The following MIA3 variants were observed in gnomAD, a reference collection of about 807,000 sequenced individuals.
MIA3 encodes the protein transport and Golgi organization protein 1 homolog.
In MIA3, 90 loss-of-function variants were observed where a neutral mutation model predicts 192.4. That is an observed-to-expected ratio of 0.47 (90% confidence interval 0.39 to 0.56). The LOEUF is 0.56. Among genes scored for constraint, MIA3 ranks in the 20% least tolerant of loss-of-function variants. MIA3 has a pLI of 0.00. For missense variants in MIA3, 2,123 were observed against 2,269.4 expected, an observed-to-expected ratio of 0.94 and a Z score of 1.31; for synonymous variants, 740 against 792.8, an observed-to-expected ratio of 0.93 and a Z score of 1.12.
intron 7 of MIA3, among the ~76,000 whole-genome samples, chr1:222,646,958 T>A (rs1377653556): frequency 1.3e-5 from 2 of 152,120 alleles, no homozygotes; most frequent in South Asian, 2.1e-4. Flanking sequence ...ACCAAGACTT[T>A]AAGGTATAGA....
intron 16 of MIA3, 29 bp from the exon 17 acceptor site, chr1:222,654,360 T>G (rs1558193010): frequency 6.2e-7 from 1 of 1,612,472 alleles, no homozygotes; most frequent in East Asian, 2.2e-5. Flanking sequence ...CTCACTTTTA[T>G]GAATACTTGT....
intron 6 of MIA3, among the ~76,000 whole-genome samples, chr1:222,634,314 C>G (rs1473462233): frequency 6.6e-6 from 1 of 151,934 alleles, no homozygotes; most frequent in Non-Finnish European, 1.5e-5. Flanking sequence ...GAGCAAGACC[C>G]TGCCTCAGAA....
Position 222,658,807 on chromosome 1 carries a change from G to A in MIA3, c.4693G>A (p.Glu1565Lys). 1.4e-5 allele frequency: 23 copies of A among 1,612,538 alleles called. No individual in the cohort carries two copies. The highest frequency in any genetic ancestry group is 2.0e-5 in the Non-Finnish European group (23 of 1,179,202). The change falls in exon 19 of 28, where the codon GAA becomes AAA. Residue 1565 changes from glutamate to lysine, a missense_variant. Physicochemically the swap from Glu to Lys is moderately conservative, Grantham distance 56 (BLOSUM62 1). Coordinates refer to ENST00000344922, the MANE Select transcript of MIA3 (RefSeq NM_198551.4). ...ADEKAVSAAEEVKTYKRRIEE... is the reference protein window; with the variant it reads ...ADEKAVSAAEKVKTYKRRIEE... The stretch of plus-strand genomic sequence containing the variant: ...TGAAAAGGCAGTTTCGGCTGCAGAG[G>A]AAGTAAAAACTTACAAGTAAGTTCA...
rs372385470 is a variant in MIA3 at position 222,633,264 on chromosome 1, G to GT, written c.3477+24dup. The GT allele has an allele frequency of 3.9e-3, 6,071 of 1,547,906 alleles. 24 individuals carry two copies. The highest frequency in any genetic ancestry group is 0.01 in the Middle Eastern group (61 of 5,834). On this transcript the variant is annotated intron_variant, in intron 6 of 27. Coordinates refer to ENST00000344922, the MANE Select transcript of MIA3 (RefSeq NM_198551.4). The stretch of plus-strand genomic sequence containing the variant: ...TAACTAAGTCGGTAAGTTTAACATA[G>GT]TTTTTTTTTAACTAAAATGTTGATT...
At chr1:222,622,868 T>A in intron 2 of MIA3, among the ~76,000 whole-genome samples, 1 of 152,240 alleles carries the variant, frequency 6.6e-6, no homozygotes, top group East Asian at 1.9e-4. Flanking sequence ...ACACCTCTCA[T>A]CCTGCCTTCT....
intron 27 of MIA3, chr1:222,664,863 A>G (rs982391136): frequency 4.4e-6 from 2 of 458,290 alleles, no homozygotes; most frequent in African/African-American, 2.0e-5. Context: ...TCCAAGTACA[A>G]ATCTATCTCT....
chr1:222,656,046 T>A (rs2124918017), intron 18 of MIA3, among the ~76,000 whole-genome samples: 1 of 141,894 alleles, frequency 7.0e-6, no homozygotes, highest in African/African-American at 2.6e-5. Flanking sequence ...CTCAGCTTAC[T>A]GCAAGCTCCG....
chr1:222,640,437 G>C (rs1662802678), intron 6 of MIA3, among the ~76,000 whole-genome samples: 1 of 151,984 alleles, frequency 6.6e-6, no homozygotes, highest in Non-Finnish European at 1.5e-5. Context: ...ATAGACCATT[G>C]GAACAAAATA....
intron 18 of MIA3, among the ~76,000 whole-genome samples, chr1:222,655,884 A>G (rs1156606103): frequency 6.6e-6 from 1 of 150,938 alleles, no homozygotes; most frequent in African/African-American, 2.4e-5. Context: ...CCACCCCTAA[A>G]GTCACTGTGT....
rs543742333 is a variant in MIA3 at position 222,618,715 on chromosome 1, G to A, written c.133+472G>A. Reference sequence around the variant, plus strand: ...GGACCTCGGTGGGTGCATCACCCCGGCAGATGCGCTAAGGGCTCGGTGGGC... The same window carrying A: ...GGACCTCGGTGGGTGCATCACCCCGACAGATGCGCTAAGGGCTCGGTGGGC... On this transcript the variant is annotated intron_variant, in intron 1 of 27. Transcript: ENST00000344922. Among the ~76,000 whole-genome samples the A allele has an allele frequency of 9.9e-5, 15 of 152,164 alleles. No homozygotes were observed. The South Asian group carries it at 2.9e-3, about 30-fold the overall frequency.
chr1:222,651,032 T>G (rs1663403164), intron 11 of MIA3, 129 bp downstream of exon 11: 1 of 594,114 alleles, frequency 1.7e-6, no homozygotes, highest in South Asian at 2.3e-5. Flanking sequence ...TGAACCTACT[T>G]CTGTCCATTT....
At chr1:222,659,851 T>C in intron 22 of MIA3, 50 bp downstream of exon 22, 1 of 1,605,174 alleles carries the variant, frequency 6.2e-7, no homozygotes, top group Non-Finnish European at 8.5e-7. Flanking sequence ...TCTTAAGGAA[T>C]TGGTTTCTAT....
At position 222,633,185 on chromosome 1, in the gene MIA3, G is replaced by A. The variant is rs778168637; in HGVS notation, c.3413G>A (p.Ser1138Asn). ...QPETAAEEPA[S>N]VTPLENAILL... ...GAGACAGCCGCCGAAGAGCCGGCAAGTGTCACACCTTTGGAAAACGCAATC... is the reference window on the plus strand; with the variant it reads ...GAGACAGCCGCCGAAGAGCCGGCAAATGTCACACCTTTGGAAAACGCAATC... The change falls in exon 6 of 28, where the codon AGT (serine) becomes AAT (asparagine). Residue 1138 changes from serine (S) to asparagine (N), a missense_variant. By Grantham distance (46) the Ser-to-Asn change is conservative. Transcript: ENST00000344922. The A allele has an allele frequency of 3.2e-5, 52 of 1,614,006 alleles. No individual in the cohort carries two copies. The highest frequency in any genetic ancestry group is 4.3e-5 in the Non-Finnish European group (51 of 1,180,008).
intron 4 of MIA3, among the ~76,000 whole-genome samples, chr1:222,631,284 A>G (rs1214764806): frequency 1.3e-5 from 2 of 151,850 alleles, no homozygotes; most frequent in Admixed American, 1.3e-4. Flanking sequence ...ACTGTGCCCA[A>G]ATAATTTTTA....
At position 222,629,607 on chromosome 1, in the gene MIA3, C is replaced by T; in HGVS notation, c.2387C>T (p.Ala796Val). 1 of 1,613,962 alleles carries T rather than the reference C, an allele frequency of 6.2e-7. No homozygotes were observed. Among genetic ancestry groups the T allele is most frequent in the Non-Finnish European group, 8.5e-7 (1 of 1,179,966 alleles). ...AGCGAAAAAACAAGTGAGACTGCTGCCAAAGGGGTCAACACAGGAGGCAGG... is the reference window on the plus strand; with the variant it reads ...AGCGAAAAAACAAGTGAGACTGCTGTCAAAGGGGTCAACACAGGAGGCAGG... ...LDSEKTSETA[A>V]KGVNTGGREP... Residue 796 changes from alanine to valine, a missense_variant, in exon 4 of 28, where the codon GCC becomes GTC. Transcript: ENST00000344922.
At chr1:222,654,163 A>T (rs897733370) in intron 15 of MIA3, 80 bp from the exon 16 acceptor site, 6 of 1,308,286 alleles carry the variant, frequency 4.6e-6, no homozygotes, top group Non-Finnish European at 6.5e-6. Context: ...ACAATTGTTT[A>T]GTTTTGGGTA....
Position 222,624,789 on chromosome 1 carries a change from T to G in MIA3, c.289T>G (p.Phe97Val). ...AGSVGRTFGY[F>V]PKDLIQVVHE... ...GTAGGTTGGACGCACTTTTGGATAT[T>G]TTCCAAAAGATTTAATCCAGGTAGT... The change falls in exon 3 of 28, where the codon TTT becomes GTT. Residue 97 changes from phenylalanine (F) to valine (V), a missense_variant. Phe to Val is a conservative substitution (Grantham distance 50). Around this residue, in one of 3 missense-constraint regions of MIA3, gnomAD observed 1,357 missense variants for 1,396.1 expected, o/e 0.97. Coordinates refer to ENST00000344922, the MANE Select transcript of MIA3 (RefSeq NM_198551.4). 6.3e-7 allele frequency: 1 copy of G among 1,590,154 alleles called. No homozygotes were observed. The highest frequency in any genetic ancestry group is 8.6e-7 in the Non-Finnish European group (1 of 1,159,266).
Position 222,654,657 on chromosome 1 carries a change from C to G in MIA3, c.4471C>G (p.Gln1491Glu). The G allele has an allele frequency of 6.2e-7, 1 of 1,613,730 alleles. No homozygotes were observed. The highest frequency in any genetic ancestry group is 8.5e-7 in the Non-Finnish European group (1 of 1,179,868). ...SVSTKCNLEDQVKKLEDDRNS... is the reference protein window; with the variant it reads ...SVSTKCNLEDEVKKLEDDRNS... ...CTCAAATGTTTTATCCTTTACAGAC[C>G]AGGTAAAGAAATTGGAAGATGACCG... The change falls in exon 18 of 28, where the codon CAG becomes GAG. Residue 1491 changes from glutamine (Q) to glutamate (E), a missense_variant and splice_region_variant. By Grantham distance (29) the Gln-to-Glu change is conservative. Transcript: ENST00000344922.
At chr1:222,643,384 T>C (rs1031916123) in intron 6 of MIA3, among the ~76,000 whole-genome samples, 1 of 152,188 alleles carries the variant, frequency 6.6e-6, no homozygotes, top group African/African-American at 2.4e-5. Flanking sequence ...GTCTGCATCC[T>C]TGGGCCAGTA....
Sources: allele counts gnomAD v4.1 joint callset (sites outside exome capture counted in the v4.1 genomes callset), GRCh38; gene constraint gnomAD v4.1.1; regional missense constraint gnomAD v4.1.1; transcripts MANE v1.5; gene names NCBI Gene and HGNC (gene_info 2026-07-23, HGNC 2026-07-21).